The following ROBO2 variants were observed in gnomAD, a reference collection of about 807,000 sequenced individuals.
ROBO2 encodes roundabout guidance receptor 2.
ROBO2 carries 53 observed loss-of-function variants against 160.8 expected under a neutral mutation model. The observed-to-expected ratio is 0.33, with a 90% confidence interval of 0.26 to 0.41. The LOEUF is 0.41. ROBO2 is among the 10% of genes least tolerant of loss of function. The probability of loss-of-function intolerance (pLI) is 1.00; values close to 1 mark genes in which losing one functional copy is unlikely to be tolerated. For synonymous variants in ROBO2, 664 were observed against 611.7 expected, an observed-to-expected ratio of 1.09 and a Z score of -1.26; for missense variants, 1,577 against 1,722.4, an observed-to-expected ratio of 0.92 and a Z score of 1.49.
At chr3:76,307,175 C>A (rs2071372092) in intron 2 of ROBO2, among the ~76,000 whole-genome samples, 2 of 152,168 alleles carry the variant, frequency 1.3e-5, no homozygotes, top group African/African-American at 4.8e-5. Flanking sequence ...CATGCTCATG[C>A]TATTTCCTCA....
intron 2 of ROBO2, among the ~76,000 whole-genome samples, chr3:77,155,447 G>A (rs2077924177): frequency 6.6e-6 from 1 of 151,972 alleles, no homozygotes; most frequent in African/African-American, 2.4e-5. Flanking sequence ...GAAAGTGCCT[G>A]CCAACCAGGA....
At chr3:77,358,898 G>A (rs114549715) in intron 2 of ROBO2, among the ~76,000 whole-genome samples, 1,665 of 152,264 alleles carry the variant, frequency 0.011, 17 homozygotes, top group Middle Eastern at 0.017. Context: ...TATTATAGTA[G>A]GTCTGCAAGA....
rs1254768441 is a variant in ROBO2, at chr3:77,258,622, T to A, written c.388+160282T>A. ...TGGGTGACAGACGGAGACTTTGTCT[T>A]AAAAAAAAAAAAAAGGAAGAAAAAA... On this transcript the variant is annotated intron_variant, in intron 2 of 25. Coordinates refer to ENST00000461745, the Ensembl canonical transcript of ROBO2. Among the ~76,000 whole-genome samples, 12 of 119,818 alleles carry A rather than the reference T, an allele frequency of 1.0e-4. No individual in the cohort carries two copies. In the South Asian group the frequency reaches 3.0e-3, roughly 30 times the overall value. The allele number at this position is 119,818 out of a possible 152,430, so 78.6% of individuals were successfully genotyped here.
chr3:77,012,299 A>T (rs1423797523), intron 2 of ROBO2, among the ~76,000 whole-genome samples: 7 of 152,210 alleles, frequency 4.6e-5, no homozygotes, highest in Non-Finnish European at 8.8e-5. Context: ...CAAATAATAG[A>T]AATGTACACG....
intron 4 of ROBO2, among the ~76,000 whole-genome samples, chr3:77,492,897 T>C (rs1216885272): frequency 1.3e-5 from 2 of 152,198 alleles, no homozygotes; most frequent in East Asian, 1.9e-4. Context: ...AATAGATTAT[T>C]GTAATCATTT....
intron 23 of ROBO2, among the ~76,000 whole-genome samples, chr3:77,624,353 T>C (rs1559752305): frequency 6.6e-6 from 1 of 152,054 alleles, no homozygotes; most frequent in African/African-American, 2.4e-5. Flanking sequence ...GTTAGATGTG[T>C]GAGTGTATTA....
At chr3:77,127,528 C>A (rs978169242) in intron 2 of ROBO2, among the ~76,000 whole-genome samples, 1 of 151,920 alleles carries the variant, frequency 6.6e-6, no homozygotes, top group African/African-American at 2.4e-5. Flanking sequence ...TATTTACCAA[C>A]TTGAAAGAAG....
At chr3:77,619,374 CA>C (rs1559741910) in intron 22 of ROBO2, among the ~76,000 whole-genome samples, 1 of 152,058 alleles carries the variant, frequency 6.6e-6, no homozygotes, top group East Asian at 1.9e-4. Context: ...TAGAACTCAC[CA>C]AAAGATTTTA....
At chr3:76,322,205 ATATAC>A in intron 2 of ROBO2, among the ~76,000 whole-genome samples, 2 of 97,580 alleles carry the variant, frequency 2.0e-5, no homozygotes, top group South Asian at 3.2e-4. Context: ...TATATATATA[ATATAC>A]ACACACATAT....
intron 2 of ROBO2, among the ~76,000 whole-genome samples, chr3:76,047,979 C>T (rs998786010): frequency 1.3e-5 from 2 of 151,938 alleles, no homozygotes; most frequent in African/African-American, 4.8e-5. Context: ...TTAGAGTAGC[C>T]CTCAAAGTTG....
intron 2 of ROBO2, among the ~76,000 whole-genome samples, chr3:77,410,620 T>TCCTCCTCCTCCTCTTCCTC (rs1560757888): frequency 1.6e-4 from 3 of 18,494 alleles, no homozygotes; most frequent in Non-Finnish European, 2.3e-4. Context: ...TCCTCCTTCT[T>TCCTCCTCCTCCTCTTCCTC]CTCCTCCTCT....
Position 77,644,807 on chromosome 3 carries a change from C to A in ROBO2, c.4038C>A (p.Thr1346=), listed in dbSNP as rs201527229. ...AGGGATCCACTGGACCTAGGAAAAC[C>A]GAGGTGTTGAGAGCAGGCCACCAGC... The change falls in exon 25 of 26, where the codon ACC becomes ACA. Residue 1346 remains threonine (T), a synonymous_variant. Transcript: ENST00000461745. 6.2e-6 allele frequency: 10 copies of A among 1,613,874 alleles called. No individual in the cohort carries two copies. In the East Asian group the frequency reaches 1.8e-4, roughly 29 times the overall value.
At chr3:77,538,170 CT>C (rs59409802) in intron 6 of ROBO2, among the ~76,000 whole-genome samples, 1,586 of 102,084 alleles carry the variant, frequency 0.016, 2 homozygotes, top group African/African-American at 0.03. Context: ...TGATCATTTA[CT>C]TTTTTTTTTT....
In ROBO2 at chr3:76,717,824, G is replaced by GCAAATTAAAAAATA. The variant is rs1560436720; in HGVS notation, c.110-380190_110-380189insCAAATTAAAAAATA. ...GCAAGATTTGCTTGGCCATAACCAA[G>GCAAATTAAAAAATA]ATTTGCAGGTAACACAGAGGATCAC... is the stretch of plus-strand genomic sequence containing the variant. On this transcript the variant is annotated intron_variant, in intron 2 of 26. Transcript: ENST00000487694. Among the ~76,000 whole-genome samples the GCAAATTAAAAAATA allele has an allele frequency of 6.4e-3, 977 of 151,590 alleles. 22 individuals carry two copies. Among genetic ancestry groups the GCAAATTAAAAAATA allele is most frequent in the African/African-American group, 0.023 (925 of 40,950 alleles).
At chr3:76,220,921 G>T (rs991328177) in intron 2 of ROBO2, among the ~76,000 whole-genome samples, 4 of 152,138 alleles carry the variant, frequency 2.6e-5, no homozygotes, top group African/African-American at 9.7e-5. Context: ...ACTGGTTGTA[G>T]AACTTGCAGG....
intron 2 of ROBO2, among the ~76,000 whole-genome samples, chr3:77,029,670 G>A (rs1220715114): frequency 2.0e-5 from 3 of 152,050 alleles, no homozygotes. Context: ...CTTCTAAGAT[G>A]TTCATGGTAT....
intron 2 of ROBO2, among the ~76,000 whole-genome samples, chr3:77,149,441 C>G (rs961525696): frequency 1.1e-4 from 16 of 152,150 alleles, no homozygotes; most frequent in African/African-American, 3.9e-4. Context: ...CATGCCCTTA[C>G]TAAGCTTTCT....
chr3:76,063,166 A>T (rs991629023), intron 2 of ROBO2, among the ~76,000 whole-genome samples: 17 of 152,180 alleles, frequency 1.1e-4, no homozygotes, highest in African/African-American at 4.1e-4. Flanking sequence ...AGAGGGAATG[A>T]GTCACCGTAT....
intron 2 of ROBO2, among the ~76,000 whole-genome samples, chr3:77,175,652 T>C (rs2080083970): frequency 6.6e-6 from 1 of 151,840 alleles, no homozygotes; most frequent in Non-Finnish European, 1.5e-5. Flanking sequence ...GGAGATACAT[T>C]TGTGAGAATG....
Sources: allele counts gnomAD v4.1 joint callset (sites outside exome capture counted in the v4.1 genomes callset), GRCh38; gene constraint gnomAD v4.1.1; transcripts MANE v1.5; gene names NCBI Gene and HGNC (gene_info 2026-07-23, HGNC 2026-07-21).